PRKACA: variants seen among roughly 807,000 people sequenced by gnomAD.
PRKACA encodes the protein cAMP-dependent protein kinase catalytic subunit alpha.
A neutral mutation model predicts 45.8 loss-of-function variants in PRKACA; 9 were observed. That is an observed-to-expected ratio of 0.20 (90% CI 0.12 to 0.34). The LOEUF is 0.34. Among genes scored for constraint, PRKACA ranks in the 10% least tolerant of loss-of-function variants. PRKACA has a pLI of 1.00. For synonymous variants in PRKACA, 160 were observed against 178.6 expected, an observed-to-expected ratio of 0.90 and a Z score of 0.83; for missense variants, 238 against 458.6, an observed-to-expected ratio of 0.52 and a Z score of 4.39.
At chr19:14,101,298 G>A (rs1326071146) in intron 4 of PRKACA, 2 of 226,910 alleles carry the variant, frequency 8.8e-6, no homozygotes, top group African/African-American at 2.2e-5. Context: ...CGGGTGTGGT[G>A]GCTCATGCCT....
chr19:14,094,781 T>C (rs1447334844), intron 8 of PRKACA, among the ~76,000 whole-genome samples: 1 of 152,214 alleles, frequency 6.6e-6, no homozygotes, highest in African/African-American at 2.4e-5. Context: ...TGACAAACTT[T>C]TTCTCTCCTC....
chr19:14,106,972 C>A (rs1026008368), intron 2 of PRKACA, 84 bp from the exon 3 acceptor site: 1 of 1,544,394 alleles, frequency 6.5e-7, no homozygotes, highest in Non-Finnish European at 8.7e-7. Context: ...CCTCTGCCAC[C>A]GGCAGAGGGG....
chr19:14,094,083 T>C (rs1226738730), intron 8 of PRKACA, among the ~76,000 whole-genome samples: 1 of 150,992 alleles, frequency 6.6e-6, no homozygotes, highest in African/African-American at 2.4e-5. Flanking sequence ...AGGCTGGTCT[T>C]GAACTTCTAG....
At chr19:14,094,850 A>G (rs1977198331) in intron 8 of PRKACA, among the ~76,000 whole-genome samples, 1 of 152,236 alleles carries the variant, frequency 6.6e-6, no homozygotes. Context: ...TCTTCTTGAA[A>G]GTTTTCCCCA....
intron 8 of PRKACA, chr19:14,096,830 C>T (rs565867082): frequency 5.7e-4 from 119 of 209,710 alleles, no homozygotes; most frequent in African/African-American, 2.6e-3. Context: ...ATTCTGGGGC[C>T]TGGTGGATGG....
At position 14,097,267 on chromosome 19, in the gene PRKACA, T is replaced by G. The variant is rs1044189751; in HGVS notation, c.765+94A>C. ...CCTGACTTAAGGAACTTCTAGATTATTCTGACAACAAGCAGGGCTCCCCAG... is the reference window on the plus strand; with the variant it reads ...CCTGACTTAAGGAACTTCTAGATTAGTCTGACAACAAGCAGGGCTCCCCAG... On this transcript the variant is annotated intron_variant, in intron 8 of 9. Transcript: ENST00000308677. The surrounding 1 kb of genome is among the most constrained non-coding windows in gnomAD (Gnocchi z 5.4). The G allele has an allele frequency of 1.3e-6, 2 of 1,585,462 alleles. No individual in the cohort carries two copies. Among genetic ancestry groups the G allele is most frequent in the African/African-American group, 2.7e-5 (2 of 74,246 alleles).
chr19:14,102,200 C>A (rs916511250), intron 4 of PRKACA, among the ~76,000 whole-genome samples: 1 of 151,110 alleles, frequency 6.6e-6, no homozygotes, highest in Non-Finnish European at 1.5e-5. Flanking sequence ...AAGACAGCAG[C>A]AGCAGCAAAG....
At chr19:14,094,556 C>T (rs927427091) in intron 8 of PRKACA, among the ~76,000 whole-genome samples, 1 of 152,208 alleles carries the variant, frequency 6.6e-6, no homozygotes, top group Non-Finnish European at 1.5e-5. Context: ...TTTTAAGAAC[C>T]ATTGCTCTAA....
chr19:14,116,422 C>T (rs538614869), intron 1 of PRKACA, among the ~76,000 whole-genome samples: 24 of 152,298 alleles, frequency 1.6e-4, no homozygotes, highest in African/African-American at 5.5e-4. Flanking sequence ...AATCACTAGA[C>T]GTCACCCATT....
At chr19:14,107,212 G>T in intron 2 of PRKACA, 136 bp downstream of exon 2, 1 of 972,450 alleles carries the variant, frequency 1.0e-6, no homozygotes, top group Non-Finnish European at 1.6e-6. Context: ...GCCCCCATGG[G>T]CACCTAGGGA....
intron 8 of PRKACA, chr19:14,096,400 C>G (rs1337249410): frequency 6.8e-6 from 1 of 147,510 alleles, no homozygotes; most frequent in Non-Finnish European, 1.5e-5. Flanking sequence ...GTTGCCCAGG[C>G]TGGTCTGGAA....
At position 14,100,864 on chromosome 19, in the gene PRKACA, C is replaced by T. The variant is rs78098302; in HGVS notation, c.381G>A (p.Gly127=). 1,270 of 1,614,174 alleles carry T rather than the reference C, an allele frequency of 7.9e-4. 16 individuals are homozygous for T. The East Asian group carries it at 0.019, about 25-fold the overall frequency. Reference sequence around the variant, plus strand: ...TCCGCCGTAGGTGTGAGAACATCTCCCCGCCGGGCACGTACTCCATGACCA... The same window carrying T: ...TCCGCCGTAGGTGTGAGAACATCTCTCCGCCGGGCACGTACTCCATGACCA... ...LYMVMEYVPG[G]EMFSHLRRIG... Residue 127 remains glycine (G), a synonymous_variant, in exon 5 of 10, where the codon GGG becomes GGA. Transcript: ENST00000308677.
intron 1 of PRKACA, among the ~76,000 whole-genome samples, chr19:14,113,243 C>T (rs1334869079): frequency 3.3e-5 from 5 of 151,982 alleles, no homozygotes. Flanking sequence ...GACCATCTTC[C>T]TCCTTCTTTC....
Position 14,106,798 on chromosome 19 carries a change from C to T in PRKACA, c.199G>A (p.Gly67Arg), listed in dbSNP as rs757565596. ...RVMLVKHKET[G>R]NHYAMKILDK... ...AGGATCTTCATGGCATAGTGGTTCC[C>T]GGTCTCCTTGTGTTTCACCAGCATC... is the stretch of plus-strand genomic sequence containing the variant. Residue 67 changes from glycine (G) to arginine (R), a missense_variant, in exon 3 of 10, where the codon GGG becomes AGG. This residue lies in a region of PRKACA where 93 missense variants were observed against 149.1 expected (regional missense o/e 0.62). Transcript: ENST00000308677. 6.2e-6 allele frequency: 10 copies of T among 1,614,076 alleles called. No homozygotes were observed. Among genetic ancestry groups the T allele is most frequent in the Admixed American group, 3.3e-5 (2 of 60,010 alleles).
rs747115186 is a variant in PRKACA at position 14,097,897 on chromosome 19, G to C, written c.420-7C>G. The C allele has an allele frequency of 6.2e-7, 1 of 1,614,030 alleles. No homozygotes were observed. Among genetic ancestry groups the C allele is most frequent in the South Asian group, 1.1e-5 (1 of 91,066 alleles). The stretch of plus-strand genomic sequence containing the variant: ...GAAACGGGCATGGGGCTCACTGATG[G>C]GGACAAATGGGGAGGTGAACGTCAG... On this transcript the variant is annotated splice_region_variant and splice_polypyrimidine_tract_variant and intron_variant, in intron 5 of 9. Coordinates refer to ENST00000308677, the MANE Select transcript of PRKACA (RefSeq NM_002730.4). This position sits in a 1 kb window ranked among gnomAD's most constrained non-coding sequence, Gnocchi z 5.4.
chr19:14,108,404 C>CTGACTGAT (rs1555774756), intron 1 of PRKACA: 2 of 152,294 alleles, frequency 1.3e-5, no homozygotes, highest in African/African-American at 4.8e-5. Flanking sequence ...TATCTATTGA[C>CTGACTGAT]TGATTGATTG....
intron 4 of PRKACA, 148 bp from the exon 5 acceptor site, chr19:14,101,056 C>A (rs1039123358): frequency 6.0e-6 from 4 of 668,636 alleles, no homozygotes; most frequent in African/African-American, 1.8e-5. Flanking sequence ...CAGGGGCGAC[C>A]CTTATCCTGC....
chr19:14,099,472 C>A (rs1200712067), intron 5 of PRKACA, among the ~76,000 whole-genome samples: 1 of 150,992 alleles, frequency 6.6e-6, no homozygotes, highest in Admixed American at 6.6e-5. Context: ...GTTGAACCAG[C>A]CTTGCATCCT....
intron 1 of PRKACA, chr19:14,114,140 T>C: frequency 1.2e-6 from 2 of 1,611,580 alleles, no homozygotes; most frequent in Non-Finnish European, 1.7e-6. Context: ...TCACCATCGC[T>C]GGAGTTGGAA....
Sources: allele counts gnomAD v4.1 joint callset (sites outside exome capture counted in the v4.1 genomes callset), GRCh38; gene constraint gnomAD v4.1.1; regional missense constraint gnomAD v4.1.1; non-coding constraint Gnocchi (gnomAD v3.1); transcripts MANE v1.5; gene names NCBI Gene and HGNC (gene_info 2026-07-23, HGNC 2026-07-21).